The following CSMD1 variants were observed in gnomAD, a reference collection of about 807,000 sequenced individuals.
CSMD1 encodes CUB and Sushi multiple domains 1, also known as CUB and sushi domain-containing protein 1.
CSMD1 carries 213 observed loss-of-function variants against 417.5 expected under a neutral mutation model. The ratio of observed to expected loss-of-function variants is 0.51; its 90% CI spans 0.46 to 0.57. The LOEUF (loss-of-function observed/expected upper bound fraction) is 0.57. CSMD1 is among the 20% of genes least tolerant of loss of function. The pLI, the probability that CSMD1 is intolerant of heterozygous loss-of-function variation, is 0.00. For synonymous variants in CSMD1, 2,862 were observed against 1,736.8 expected (o/e 1.65, Z -16.11); for missense variants, 6,923 against 4,529.7 (o/e 1.53, Z -15.17).
intron 26 of CSMD1, among the ~76,000 whole-genome samples, chr8:3,263,328 G>A (rs1801213954): frequency 1.3e-5 from 2 of 152,116 alleles, no homozygotes; most frequent in South Asian, 4.2e-4. Flanking sequence ...CGAACTCCTG[G>A]CCTCAAGTGA....
chr8:4,627,497 T>A (rs1344651105), intron 2 of CSMD1, among the ~76,000 whole-genome samples: 6 of 152,200 alleles, frequency 3.9e-5, no homozygotes, highest in Non-Finnish European at 8.8e-5. Context: ...ACACTTTCTT[T>A]TCTCAGAAGG....
intron 3 of CSMD1, among the ~76,000 whole-genome samples, chr8:4,043,217 C>G (rs1426531564): frequency 6.6e-6 from 1 of 152,008 alleles, no homozygotes; most frequent in Non-Finnish European, 1.5e-5. Flanking sequence ...AAAGTCACCA[C>G]TAAAATAGCA....
At chr8:4,689,251 G>C (rs180887325) in intron 1 of CSMD1, among the ~76,000 whole-genome samples, 7 of 152,272 alleles carry the variant, frequency 4.6e-5, no homozygotes, top group Admixed American at 2.6e-4. Flanking sequence ...AAGCGTAACA[G>C]TATGGAAACA....
intron 4 of CSMD1, among the ~76,000 whole-genome samples, chr8:4,008,445 G>T (rs1266916587): frequency 6.6e-6 from 1 of 151,412 alleles, no homozygotes; most frequent in East Asian, 1.9e-4. Flanking sequence ...GAAATTTGGT[G>T]ACAGAATTAA....
At chr8:3,537,166 G>C (rs1468912495) in intron 10 of CSMD1, among the ~76,000 whole-genome samples, 1 of 152,048 alleles carries the variant, frequency 6.6e-6, no homozygotes, top group Non-Finnish European at 1.5e-5. Context: ...ACCACGCCCA[G>C]CTAATTTGTT....
intron 3 of CSMD1, among the ~76,000 whole-genome samples, chr8:4,101,129 C>T (rs890102571): frequency 3.3e-5 from 5 of 152,184 alleles, no homozygotes; most frequent in African/African-American, 9.6e-5. Context: ...TTTTAAGGGC[C>T]TCAGCAGGAC....
intron 5 of CSMD1, among the ~76,000 whole-genome samples, chr8:3,922,743 C>T (rs1024096933): frequency 6.6e-6 from 1 of 151,714 alleles, no homozygotes; most frequent in Non-Finnish European, 1.5e-5. Flanking sequence ...ATTTATTAAC[C>T]AATTATTGTA....
chr8:4,025,194 G>C (rs1401702818), intron 4 of CSMD1, among the ~76,000 whole-genome samples: 1 of 152,202 alleles, frequency 6.6e-6, no homozygotes, highest in African/African-American at 2.4e-5. Flanking sequence ...CTGGGGGAGT[G>C]TTCTGGATCA....
intron 5 of CSMD1, among the ~76,000 whole-genome samples, chr8:3,966,580 G>A (rs1023569574): frequency 1.3e-5 from 2 of 151,924 alleles, no homozygotes; most frequent in Admixed American, 1.3e-4. Context: ...TGTAAACATT[G>A]GTTTGCAGTT....
intron 1 of CSMD1, among the ~76,000 whole-genome samples, chr8:4,855,821 C>A (rs1563599980): frequency 6.6e-6 from 1 of 151,302 alleles, no homozygotes; most frequent in African/African-American, 2.4e-5. Flanking sequence ...GAGAATGGAA[C>A]CAAGTTGGAA....
chr8:3,967,187 C>G (rs906451594), intron 5 of CSMD1, among the ~76,000 whole-genome samples: 2 of 151,358 alleles, frequency 1.3e-5, no homozygotes, highest in African/African-American at 4.8e-5. Context: ...CACTTTCTAA[C>G]TTGATTCTCT....
In CSMD1 at chr8:3,308,356, C is replaced by G. The variant is rs750873205; in HGVS notation, c.3779G>C (p.Ser1260Thr). 27 of 1,613,460 alleles carry G rather than the reference C, an allele frequency of 1.7e-5. No homozygotes were observed. In the South Asian group the frequency reaches 2.9e-4, roughly 17 times the overall value. ...TTTGTCCCACACTCTCCTGTCTCCA[C>G]TCAAACAGGTCAGGGTGTTGCTGCC... is the stretch of plus-strand genomic sequence containing the variant. Reference protein sequence around the residue: ...MHGSNTLTCLSGDRRVWDKPL... With the variant: ...MHGSNTLTCLTGDRRVWDKPL... The change falls in exon 24 of 70, where the codon AGT becomes ACT. Residue 1260 changes from serine to threonine, a missense_variant. Physicochemically the swap from Ser to Thr is moderately conservative, Grantham distance 58. Transcript: ENST00000635120.
chr8:3,467,440 T>A (rs1481240137), intron 12 of CSMD1, among the ~76,000 whole-genome samples: 1 of 152,210 alleles, frequency 6.6e-6, no homozygotes, highest in African/African-American at 2.4e-5. Context: ...CACATAAAAG[T>A]TCAATTGAAG....
chr8:4,181,386 A>G (rs906151086), intron 3 of CSMD1, among the ~76,000 whole-genome samples: 2 of 151,448 alleles, frequency 1.3e-5, no homozygotes, highest in Non-Finnish European at 2.9e-5. Flanking sequence ...TTGAATGCTT[A>G]AACTATAAGG....
chr8:4,838,522 CA>C (rs1412991183), intron 1 of CSMD1, among the ~76,000 whole-genome samples: 4 of 152,194 alleles, frequency 2.6e-5, no homozygotes, highest in Non-Finnish European at 5.9e-5. Flanking sequence ...CTTGATGGGG[CA>C]AAGCATTTAC....
chr8:4,504,834 A>G (rs1392872348), intron 2 of CSMD1, among the ~76,000 whole-genome samples: 2 of 152,206 alleles, frequency 1.3e-5, no homozygotes, highest in African/African-American at 4.8e-5. Flanking sequence ...ATGGCTGCAT[A>G]GTATTCCATG....
At chr8:3,136,210 C>T (rs1007905839) in intron 41 of CSMD1, among the ~76,000 whole-genome samples, 32 of 151,398 alleles carry the variant, frequency 2.1e-4, no homozygotes, top group African/African-American at 6.8e-4. Flanking sequence ...CAGTGATACA[C>T]GTGTCTATGT....
intron 3 of CSMD1, among the ~76,000 whole-genome samples, chr8:4,315,211 T>C (rs1186079307): frequency 6.6e-6 from 1 of 152,180 alleles, no homozygotes; most frequent in African/African-American, 2.4e-5. Context: ...GAGGTGGCAC[T>C]TTCTGCTCAA....
chr8:4,617,037 T>C (rs1801509685), intron 2 of CSMD1, among the ~76,000 whole-genome samples: 2 of 152,202 alleles, frequency 1.3e-5, no homozygotes, highest in East Asian at 3.9e-4. Flanking sequence ...ATTTTATTAA[T>C]TGATGATAGT....
Sources: allele counts gnomAD v4.1 joint callset (sites outside exome capture counted in the v4.1 genomes callset), GRCh38; gene constraint gnomAD v4.1.1; transcripts MANE v1.5; gene names NCBI Gene and HGNC (gene_info 2026-07-23, HGNC 2026-07-21).